The following CNTNAP5 variants were observed in gnomAD, a reference collection of about 807,000 sequenced individuals.
CNTNAP5 encodes contactin associated protein family member 5.
Under a neutral mutation model 150.2 loss-of-function variants are expected in CNTNAP5, and 72 were observed. The ratio of observed to expected loss-of-function variants is 0.48; its 90% CI spans 0.40 to 0.58. The LOEUF is 0.58. Among genes scored for constraint, CNTNAP5 ranks in the 20% least tolerant of loss-of-function variants. The probability of loss-of-function intolerance (pLI) is 0.00; values close to 1 mark genes in which losing one functional copy is unlikely to be tolerated. For synonymous variants in CNTNAP5, 672 were observed against 619.8 expected (o/e 1.08, Z -1.25); for missense variants, 1,636 against 1,626.2 (o/e 1.01, Z -0.10).
chr2:124,900,351 T>C (rs1211128370), intron 21 of CNTNAP5, among the ~76,000 whole-genome samples: 1 of 151,518 alleles, frequency 6.6e-6, no homozygotes, highest in Non-Finnish European at 1.5e-5. Context: ...ACTTTTGTCT[T>C]ATTTTTGTTT....
chr2:124,288,123 A>T (rs1367956252), intron 3 of CNTNAP5, among the ~76,000 whole-genome samples: 2 of 152,014 alleles, frequency 1.3e-5, no homozygotes, highest in African/African-American at 4.8e-5. Context: ...ATAGACAAGG[A>T]CTCACCATGT....
Position 124,055,701 on chromosome 2 carries a change from C to T in CNTNAP5, c.82+29969C>T, listed in dbSNP as rs902290666. Among the ~76,000 whole-genome samples, 8 of 152,128 alleles carry T rather than the reference C, an allele frequency of 5.3e-5. No individual in the cohort carries two copies. In the South Asian group the frequency reaches 1.0e-3, roughly 20 times the overall value. ...CCAGCCAGGTTTCTATGACCTTGAC[C>T]ACCTACAATCCAATATCCTCTGAGG... On this transcript the variant is annotated intron_variant, in intron 1 of 23. Transcript: ENST00000682447.
At chr2:124,637,984 T>G (rs958908457) in intron 12 of CNTNAP5, among the ~76,000 whole-genome samples, 1 of 152,046 alleles carries the variant, frequency 6.6e-6, no homozygotes, top group Non-Finnish European at 1.5e-5. Flanking sequence ...CAAATGGTAT[T>G]TGGAAACCAA....
chr2:124,820,298 G>A (rs555007579), intron 19 of CNTNAP5, among the ~76,000 whole-genome samples: 7 of 152,204 alleles, frequency 4.6e-5, no homozygotes, highest in Middle Eastern at 3.4e-3. Context: ...TCCATTTACA[G>A]TAAATGTCCC....
chr2:124,791,820 T>C (rs150611579), intron 18 of CNTNAP5, among the ~76,000 whole-genome samples: 134 of 152,156 alleles, frequency 8.8e-4, no homozygotes, highest in African/African-American at 3.1e-3. Context: ...CTTTTAATTA[T>C]GATCTGCAAG....
intron 13 of CNTNAP5, among the ~76,000 whole-genome samples, chr2:124,701,335 G>A (rs1679516907): frequency 6.6e-6 from 1 of 152,066 alleles, no homozygotes; most frequent in Admixed American, 6.6e-5. Flanking sequence ...GCTCATCTAT[G>A]TTGTGACAAA....
intron 11 of CNTNAP5, among the ~76,000 whole-genome samples, chr2:124,607,616 G>A (rs1042361282): frequency 2.0e-5 from 3 of 152,184 alleles, no homozygotes; most frequent in Non-Finnish European, 4.4e-5. Context: ...CCTAGCACAG[G>A]TGGGGTAGCT....
chr2:124,524,267 ATCATCTCTATGC>A (rs1694914456), intron 8 of CNTNAP5, 24 bp from the exon 9 acceptor site: 1 of 1,612,008 alleles, frequency 6.2e-7, no homozygotes, highest in African/African-American at 1.3e-5. Context: ...TTCTGGACCC[ATCATCTCTATGC>A]TTACTCTCTT....
At position 124,282,994 on chromosome 2, in the gene CNTNAP5, C is replaced by CT. The variant is rs61480383; in HGVS notation, c.381+40617dup. Among the ~76,000 whole-genome samples the CT allele has an allele frequency of 0.017, 2,340 of 140,496 alleles. 102 individuals carry two copies. In the East Asian group the frequency reaches 0.2, roughly 12 times the overall value. 92.2% of individuals were successfully genotyped at this position (140,496 alleles called of 152,430 possible). Reference sequence around the variant, plus strand: ...GGCCTCCAATTAGATGTCCATTGCTCTTTTTTTTTTTTTTTTGACCTACTT... The same window carrying CT: ...GGCCTCCAATTAGATGTCCATTGCTCTTTTTTTTTTTTTTTTTGACCTACTT... On this transcript the variant is annotated intron_variant, in intron 3 of 23. Coordinates refer to ENST00000682447, the MANE Select transcript of CNTNAP5 (RefSeq NM_001367498.1).
chr2:124,196,464 G>T (rs145806867), intron 1 of CNTNAP5, among the ~76,000 whole-genome samples: 5 of 152,156 alleles, frequency 3.3e-5, no homozygotes, highest in Middle Eastern at 3.2e-3. Context: ...GAATAACATG[G>T]TATAGTTTGT....
Position 124,772,848 on chromosome 2 carries a change from G to A in CNTNAP5, c.2583G>A (p.Glu861=), listed in dbSNP as rs765112760. 47 of 1,613,658 alleles carry A rather than the reference G, an allele frequency of 2.9e-5. No homozygotes were observed. The highest frequency in any genetic ancestry group is 3.6e-5 in the Non-Finnish European group (42 of 1,179,750). The change falls in exon 17 of 24, where the codon GAG becomes GAA. Residue 861 remains glutamate, a synonymous_variant. Coordinates refer to ENST00000682447, the MANE Select transcript of CNTNAP5 (RefSeq NM_001367498.1). ...FAIDVGNGPV[E]LVVQSPSLLN... ...TCGATGTTGGGAATGGTCCTGTGGAGCTTGTAGTCCAGTCTCCTTCTCTTC... is the reference window on the plus strand; with the variant it reads ...TCGATGTTGGGAATGGTCCTGTGGAACTTGTAGTCCAGTCTCCTTCTCTTC...
chr2:124,408,768 A>G (rs2104766742), intron 3 of CNTNAP5, among the ~76,000 whole-genome samples: 1 of 151,758 alleles, frequency 6.6e-6, no homozygotes, highest in South Asian at 2.1e-4. Context: ...AAAGTAGATA[A>G]AACCACAAAG....
chr2:124,063,682 A>C (rs546294677), intron 1 of CNTNAP5, among the ~76,000 whole-genome samples: 31 of 152,254 alleles, frequency 2.0e-4, no homozygotes, highest in Non-Finnish European at 4.0e-4. Context: ...CAGAATGAAA[A>C]GAAAAAGAGA....
Position 124,446,690 on chromosome 2 carries a change from A to G in CNTNAP5, c.734-63A>G. 4.0e-6 allele frequency: 6 copies of G among 1,515,084 alleles called. No individual in the cohort carries two copies. The Admixed American group carries it at 5.3e-5, about 13-fold the overall frequency. The allele number at this position is 1,515,084 out of a possible 1,614,324, so 93.9% of individuals were successfully genotyped here. A position where few individuals can be genotyped will look rare whatever the true frequency, so the allele number is the denominator to read the frequency against. ...ATATAGCTGCTTTTGCTTGTGGAGC[A>G]TTCTGGTGTGCAAAGCTGCCCTTGG... On this transcript the variant is annotated intron_variant, in intron 5 of 23. Transcript: ENST00000682447.
At chr2:124,351,601 C>T (rs1039260992) in intron 3 of CNTNAP5, among the ~76,000 whole-genome samples, 1 of 152,082 alleles carries the variant, frequency 6.6e-6, no homozygotes, top group Non-Finnish European at 1.5e-5. Flanking sequence ...GAGATAGTAG[C>T]ACAAAAGGAA....
chr2:124,786,605 G>A (rs555068415), intron 17 of CNTNAP5, among the ~76,000 whole-genome samples: 1 of 152,018 alleles, frequency 6.6e-6, no homozygotes, highest in South Asian at 2.1e-4. Context: ...AAGAAAGGTA[G>A]GAAGGAAGCA....
At chr2:124,379,181 T>G (rs975864929) in intron 3 of CNTNAP5, among the ~76,000 whole-genome samples, 1 of 151,876 alleles carries the variant, frequency 6.6e-6, no homozygotes, top group African/African-American at 2.4e-5. Context: ...TGACACATCA[T>G]TATCACGCAG....
At chr2:124,120,071 A>G (rs1683525074) in intron 1 of CNTNAP5, among the ~76,000 whole-genome samples, 1 of 152,184 alleles carries the variant, frequency 6.6e-6, no homozygotes, top group Non-Finnish European at 1.5e-5. Flanking sequence ...TACTGTGCAG[A>G]CAGGTTTGAG....
intron 3 of CNTNAP5, among the ~76,000 whole-genome samples, chr2:124,366,014 AC>A (rs1253050277): frequency 6.6e-6 from 1 of 152,024 alleles, no homozygotes; most frequent in Non-Finnish European, 1.5e-5. Context: ...TTATCCTATA[AC>A]CCCTGTTACA....
Sources: allele counts gnomAD v4.1 joint callset (sites outside exome capture counted in the v4.1 genomes callset), GRCh38; gene constraint gnomAD v4.1.1; transcripts MANE v1.5; gene names NCBI Gene and HGNC (gene_info 2026-07-23, HGNC 2026-07-21).